IKZF1: variants seen among roughly 807,000 people sequenced by gnomAD.
The protein encoded by IKZF1 is IKAROS family zinc finger 1.
A neutral mutation model predicts 51.7 loss-of-function variants in IKZF1; 10 were observed. The ratio of observed to expected loss-of-function variants is 0.19; its 90% CI spans 0.12 to 0.33. The LOEUF (loss-of-function observed/expected upper bound fraction) is 0.33, where lower values mean the gene tolerates loss of function less well. Among genes scored for constraint, IKZF1 ranks in the 10% least tolerant of loss-of-function variants. IKZF1 has a pLI of 1.00. For missense variants in IKZF1, 484 were observed against 707.5 expected (o/e 0.68, Z 3.58); for synonymous variants, 280 against 282.3 (o/e 0.99, Z 0.08).
At chr7:50,382,740 G>C (rs768624406) in intron 5 of IKZF1, 33 bp downstream of exon 5, 1 of 1,577,800 alleles carries the variant, frequency 6.3e-7, no homozygotes, top group Admixed American at 1.7e-5. Context: ...GGGGCTGTCT[G>C]GGTGTCCCGG....
chr7:50,401,082 G>T lies in IKZF1; in HGVS notation c.*455G>T. 3.5e-6 allele frequency: 1 copy of T among 282,926 alleles called. No homozygotes were observed. The highest frequency in any genetic ancestry group is 6.6e-6 in the Non-Finnish European group (1 of 150,934). 17.5% of individuals were successfully genotyped at this position (282,926 alleles called of 1,614,324 possible). A position where few individuals can be genotyped will look rare whatever the true frequency, so the allele number is the denominator to read the frequency against. The stretch of plus-strand genomic sequence containing the variant: ...AGAGAGCACAGCCCCTGCTGTGTGG[G>T]TCTGCAGGTGAGCAGACAGGACAGG... On this transcript the variant is annotated 3_prime_UTR_variant, in exon 8 of 8. Coordinates refer to ENST00000331340, the MANE Select transcript of IKZF1 (RefSeq NM_006060.6).
chr7:50,347,894 T>C (rs1800777901), intron 3 of IKZF1, among the ~76,000 whole-genome samples: 1 of 152,232 alleles, frequency 6.6e-6, no homozygotes, highest in African/African-American at 2.4e-5. Context: ...TGTGACGCTC[T>C]GTGCAACCCT....
intron 1 of IKZF1, among the ~76,000 whole-genome samples, chr7:50,308,024 C>T (rs1226170196): frequency 3.3e-5 from 5 of 152,192 alleles, no homozygotes; most frequent in African/African-American, 1.2e-4. Context: ...CTTTCCACAT[C>T]TCCTGGAATA....
Position 50,401,398 on chromosome 7 carries a change from G to T in IKZF1, c.*771G>T, listed in dbSNP as rs938557769. On this transcript the variant is annotated 3_prime_UTR_variant, in exon 8 of 8. Coordinates refer to ENST00000331340, the MANE Select transcript of IKZF1 (RefSeq NM_006060.6). ...CGAGGCTTGCTGCCCCGTAGGAGGA[G>T]ACTGTCTTCCCGTGGGCATATCTGG... is the stretch of plus-strand genomic sequence containing the variant. 4.4e-6 allele frequency: 1 copy of T among 227,444 alleles called. No individual in the cohort carries two copies. The highest frequency in any genetic ancestry group is 8.7e-6 in the Non-Finnish European group (1 of 114,308). 14.1% of individuals were successfully genotyped at this position (227,444 alleles called of 1,614,324 possible).
At chr7:50,324,806 T>C (rs189598997) in intron 2 of IKZF1, among the ~76,000 whole-genome samples, 3 of 152,210 alleles carry the variant, frequency 2.0e-5, no homozygotes, top group African/African-American at 4.8e-5. Context: ...TATTTTAGCA[T>C]GCACTGAGCG....
chr7:50,368,549 C>A (rs1012380674), intron 3 of IKZF1: 1 of 566,676 alleles, frequency 1.8e-6, no homozygotes, highest in African/African-American at 1.9e-5. Flanking sequence ...GGCCTCCAGG[C>A]CGTTATTCTG....
intron 2 of IKZF1, among the ~76,000 whole-genome samples, chr7:50,325,512 T>C (rs568664256): frequency 3.4e-4 from 52 of 152,298 alleles, no homozygotes; most frequent in South Asian, 2.5e-3. Context: ...CAGTGGCTCA[T>C]GCCTGTAATC....
chr7:50,310,507 GC>G (rs1789903256), intron 1 of IKZF1, among the ~76,000 whole-genome samples: 1 of 152,054 alleles, frequency 6.6e-6, no homozygotes, highest in Admixed American at 6.5e-5. Flanking sequence ...TTACTGATGA[GC>G]CCCCTCCCCC....
Position 50,325,841 on chromosome 7 carries a change from TTTAGCATAACATGAA to T in IKZF1, c.41-1796_41-1782del, listed in dbSNP as rs1794845828. Among the ~76,000 whole-genome samples, 4 of 152,344 alleles carry T rather than the reference TTTAGCATAACATGAA, an allele frequency of 2.6e-5. No homozygotes were observed. The East Asian group carries it at 7.7e-4, about 29-fold the overall frequency. On this transcript the variant is annotated intron_variant, in intron 2 of 7. Transcript: ENST00000331340. ...GTGACTTAATGCACATTGCCAAGGC[TTTAGCATAACATGAA>T]CACTTTCACTCAATGTCTCTCTGGC... is the stretch of plus-strand genomic sequence containing the variant.
chr7:50,351,660 C>T (rs1267254401), intron 3 of IKZF1, among the ~76,000 whole-genome samples: 3 of 152,228 alleles, frequency 2.0e-5, no homozygotes, highest in Admixed American at 1.3e-4. Context: ...AGAGCCCCTG[C>T]ACTATCTGGG....
At position 50,400,096 on chromosome 7, in the gene IKZF1, C is replaced by T. The variant is rs1817743175; in HGVS notation, c.1029C>T (p.Val343=). ...TPPGGSEVVP[V]ISPMYQLHKP... ...CGGGCGGTTCCGAGGTGGTCCCGGTCATCAGCCCGATGTACCAGCTGCACA... is the reference window on the plus strand; with the variant it reads ...CGGGCGGTTCCGAGGTGGTCCCGGTTATCAGCCCGATGTACCAGCTGCACA... The change falls in exon 8 of 8, where the codon GTC becomes GTT. Residue 343 remains valine (V), a synonymous_variant. Transcript: ENST00000331340. The surrounding 1 kb of genome is among the most constrained non-coding windows in gnomAD (Gnocchi z 5.4). The T allele has an allele frequency of 1.3e-6, 2 of 1,567,582 alleles. No individual in the cohort carries two copies. The highest frequency in any genetic ancestry group is 1.4e-5 in the African/African-American group (1 of 73,610).
chr7:50,316,525 A>G (rs956532601), intron 1 of IKZF1, among the ~76,000 whole-genome samples: 4 of 152,234 alleles, frequency 2.6e-5, no homozygotes, highest in Non-Finnish European at 5.9e-5. Context: ...GACGCGCTCC[A>G]GGAAGGTGCT....
intron 2 of IKZF1, among the ~76,000 whole-genome samples, chr7:50,319,942 A>T (rs73112992): frequency 2.0e-5 from 3 of 152,180 alleles, no homozygotes; most frequent in South Asian, 4.1e-4. Flanking sequence ...ACCAGGACCT[A>T]TGTGTGGCTG....
Position 50,387,352 on chromosome 7 carries a change from A to G in IKZF1, c.597A>G (p.Lys199=). Residue 199 remains lysine, a synonymous_variant, in exon 6 of 8, where the codon AAA becomes AAG. Coordinates refer to ENST00000331340, the MANE Select transcript of IKZF1 (RefSeq NM_006060.6). Reference sequence around the variant, plus strand: ...CAATTGTGTTTTCTGCAGTTGGTAAACCTCACAAATGTGGATATTGTGGCC... The same window carrying G: ...CAATTGTGTTTTCTGCAGTTGGTAAGCCTCACAAATGTGGATATTGTGGCC... ...TGHLRTHSVG[K]PHKCGYCGRS... 3.7e-6 allele frequency: 6 copies of G among 1,613,344 alleles called. No homozygotes were observed. The highest frequency in any genetic ancestry group is 3.3e-5 in the South Asian group (3 of 90,924).
chr7:50,376,784 A>C lies in IKZF1; in HGVS notation c.412A>C (p.Ser138Arg). 2.5e-6 allele frequency: 4 copies of C among 1,613,968 alleles called. No individual in the cohort carries two copies. Among genetic ancestry groups the C allele is most frequent in the Non-Finnish European group, 2.5e-6 (3 of 1,179,850 alleles). The change falls in exon 4 of 8, where the codon AGC (serine) becomes CGC (arginine). Residue 138 changes from serine to arginine, a missense_variant. This residue lies in a region of IKZF1 where 53 missense variants were observed against 167.7 expected (regional missense o/e 0.32). Transcript: ENST00000331340. This position sits in a 1 kb window ranked among gnomAD's most constrained non-coding sequence, Gnocchi z 4.5. ...CAATGTGCTCATGGTTCACAAAAGA[A>C]GCCACACTGGTAAGGCCTGGCTCAG... ...GPNVLMVHKR[S>R]HTGERPFQCN... is the part of the protein sequence containing the mutation.
At chr7:50,396,221 G>C (rs1816666575) in intron 7 of IKZF1, among the ~76,000 whole-genome samples, 1 of 151,976 alleles carries the variant, frequency 6.6e-6, no homozygotes, top group East Asian at 1.9e-4. Flanking sequence ...TTCCATATCT[G>C]TTAACAGTTC....
intron 3 of IKZF1, among the ~76,000 whole-genome samples, chr7:50,329,164 CT>C (rs535951141): frequency 1.6e-3 from 233 of 143,220 alleles, no homozygotes; most frequent in African/African-American, 2.3e-3. Context: ...TATAATGGTT[CT>C]TTTTTTTTTT....
chr7:50,361,245 T>C (rs907631088), intron 3 of IKZF1, among the ~76,000 whole-genome samples: 3 of 152,196 alleles, frequency 2.0e-5, no homozygotes, highest in Admixed American at 6.5e-5. Context: ...TGCATTTTCT[T>C]CTTTGCATAT....
intron 3 of IKZF1, among the ~76,000 whole-genome samples, chr7:50,362,891 C>T (rs552263806): frequency 1.1e-4 from 16 of 152,218 alleles, no homozygotes; most frequent in African/African-American, 1.7e-4. Context: ...ACATGCCAGA[C>T]GGTGGACAGG....
Sources: gnomAD v4.1 joint callset for allele counts (sites outside exome capture counted in the v4.1 genomes callset) on GRCh38, gnomAD v4.1.1 for gene constraint, gnomAD v4.1.1 regional missense constraint, Gnocchi (gnomAD v3.1) non-coding constraint, MANE v1.5 for transcripts, NCBI Gene and HGNC (gene_info 2026-07-23, HGNC 2026-07-21) for gene names.